The following SEMA6D variants were observed in gnomAD, a reference collection of about 807,000 sequenced individuals.
SEMA6D encodes semaphorin 6D, also known as semaphorin-6D.
In SEMA6D, 35 loss-of-function variants were observed where a neutral mutation model predicts 106.6. The observed-to-expected ratio is 0.33, with a 90% CI of 0.25 to 0.44. The LOEUF (loss-of-function observed/expected upper bound fraction) is 0.44. Among genes scored for constraint, SEMA6D ranks in the 20% least tolerant of loss-of-function variants. The pLI, the probability that SEMA6D is intolerant of heterozygous loss-of-function variation, is 1.00. For synonymous variants in SEMA6D, 499 were observed against 487.7 expected (o/e 1.02, Z -0.31); for missense variants, 1,185 against 1,345.9 (o/e 0.88, Z 1.87).
intron 4 of SEMA6D, among the ~76,000 whole-genome samples, chr15:47,642,762 G>A (rs755500984): frequency 3.3e-5 from 5 of 152,270 alleles, no homozygotes; most frequent in East Asian, 1.9e-4. Context: ...GGCCATCTCC[G>A]AAAGGGCAGG....
intron 1 of SEMA6D, among the ~76,000 whole-genome samples, chr15:47,353,303 C>G (rs909572767): frequency 4.6e-5 from 7 of 152,220 alleles, no homozygotes; most frequent in African/African-American, 1.7e-4. Flanking sequence ...CACTCGTGCC[C>G]TCCCCAATTC....
At chr15:47,744,735 C>G (rs916058053) in intron 1 of SEMA6D, among the ~76,000 whole-genome samples, 4 of 152,226 alleles carry the variant, frequency 2.6e-5, no homozygotes, top group Admixed American at 1.3e-4. Flanking sequence ...CGATCGCGCA[C>G]TCTCCTGTCT....
At chr15:47,663,647 G>A (rs954081291) in intron 4 of SEMA6D, among the ~76,000 whole-genome samples, 2 of 152,162 alleles carry the variant, frequency 1.3e-5, no homozygotes, top group East Asian at 3.9e-4. Flanking sequence ...CAGAATTCTG[G>A]AAACGACACC....
chr15:47,726,456 T>C (rs1477358280), intron 1 of SEMA6D, among the ~76,000 whole-genome samples: 1 of 152,214 alleles, frequency 6.6e-6, no homozygotes, highest in Admixed American at 6.5e-5. Context: ...GGTGATGAAG[T>C]CATTTTCCTA....
chr15:47,657,719 C>CTTTTTTTTTTTTTTTTTTTTTTTTTTTT (rs71118191), intron 4 of SEMA6D, among the ~76,000 whole-genome samples: 1 of 54,676 alleles, frequency 1.8e-5, no homozygotes, highest in African/African-American at 8.5e-5. Context: ...GGCTTCATTT[C>CTTTTTTTTTTTTTTTTTTTTTTTTTTTT]TTTTTTTTTT....
chr15:47,294,301 G>T (rs1426025825), intron 1 of SEMA6D, among the ~76,000 whole-genome samples: 4 of 151,542 alleles, frequency 2.6e-5, no homozygotes, highest in Admixed American at 2.6e-4. Flanking sequence ...TCAGCTCACT[G>T]CAACCTCTAC....
At chr15:47,422,380 A>G (rs2041200670) in intron 2 of SEMA6D, among the ~76,000 whole-genome samples, 1 of 152,036 alleles carries the variant, frequency 6.6e-6, no homozygotes, top group African/African-American at 2.4e-5. Context: ...TAAGTTTCCA[A>G]GCTCAGTTTC....
chr15:47,311,991 A>C (rs563990576), intron 1 of SEMA6D, among the ~76,000 whole-genome samples: 1 of 152,196 alleles, frequency 6.6e-6, no homozygotes, highest in African/African-American at 2.4e-5. Flanking sequence ...ATAGCACCTT[A>C]CTGGTATTAG....
chr15:47,432,617 A>T (rs2041574792), intron 2 of SEMA6D, among the ~76,000 whole-genome samples: 1 of 152,054 alleles, frequency 6.6e-6, no homozygotes, highest in Non-Finnish European at 1.5e-5. Context: ...ATACACACAC[A>T]ATTAGTAAGT....
At chr15:47,469,376 G>A (rs2042764235) in intron 2 of SEMA6D, among the ~76,000 whole-genome samples, 1 of 151,650 alleles carries the variant, frequency 6.6e-6, no homozygotes. Flanking sequence ...AGTGGGGGGA[G>A]GACTTCAAAA....
chr15:47,626,042 G>T (rs930483131), intron 4 of SEMA6D, among the ~76,000 whole-genome samples: 1 of 152,142 alleles, frequency 6.6e-6, no homozygotes, highest in African/African-American at 2.4e-5. Flanking sequence ...ATGAGATTGA[G>T]CCTTAGTAGA....
At chr15:47,406,332 G>C (rs1315617299) in intron 1 of SEMA6D, among the ~76,000 whole-genome samples, 1 of 152,120 alleles carries the variant, frequency 6.6e-6, no homozygotes, top group Non-Finnish European at 1.5e-5. Flanking sequence ...TTCGACTGCT[G>C]GTAGCTGTTT....
chr15:47,186,722 A>G (rs2140897046), intron 1 of SEMA6D, among the ~76,000 whole-genome samples: 1 of 152,272 alleles, frequency 6.6e-6, no homozygotes, highest in Admixed American at 6.5e-5. Flanking sequence ...TAAGACATGA[A>G]GAGTATTCAC....
chr15:47,762,908 T>C (rs934485155), intron 8 of SEMA6D, 108 bp from the exon 9 acceptor site: 12 of 779,232 alleles, frequency 1.5e-5, no homozygotes, highest in Non-Finnish European at 2.2e-5. Context: ...GAGTTCTTGT[T>C]GGCTTGAATG....
chr15:47,360,866 AT>A (rs916184554), intron 1 of SEMA6D, among the ~76,000 whole-genome samples: 1 of 152,242 alleles, frequency 6.6e-6, no homozygotes, highest in Non-Finnish European at 1.5e-5. Context: ...ATACTGGGAA[AT>A]TTTGTCAGAG....
chr15:47,306,825 A>T (rs112568245), intron 1 of SEMA6D, among the ~76,000 whole-genome samples: 1,616 of 152,364 alleles, frequency 0.011, 24 homozygotes, highest in African/African-American at 0.034. Context: ...AATTATATAC[A>T]TATCCTTCTT....
chr15:47,274,515 T>G (rs2034710362), intron 1 of SEMA6D, among the ~76,000 whole-genome samples: 1 of 152,068 alleles, frequency 6.6e-6, no homozygotes, highest in South Asian at 2.1e-4. Flanking sequence ...AGTAAAAATC[T>G]GGAATGATAG....
intron 1 of SEMA6D, among the ~76,000 whole-genome samples, chr15:47,326,135 C>T (rs765533407): frequency 1.8e-4 from 28 of 152,116 alleles, no homozygotes; most frequent in Admixed American, 7.9e-4. Flanking sequence ...AAACCATTAC[C>T]GAGACGGATT....
In SEMA6D at chr15:47,726,107, G is replaced by A. The variant is rs542814442; in HGVS notation, c.-55+8415G>A. 3.3e-5 allele frequency among the ~76,000 whole-genome samples: 5 copies of A among 152,356 alleles called. No homozygotes were observed. In the South Asian group the frequency reaches 6.2e-4, roughly 19 times the overall value. On this transcript the variant is annotated intron_variant, in intron 1 of 18. Coordinates refer to ENST00000536845, the MANE Select transcript of SEMA6D (RefSeq NM_001358351.3). ...CGTTGCTTGTTGAAGCGAAGGGCAAGCTGCCTCCCCCTGCGCAGAGCACAC... is the reference window on the plus strand; with the variant it reads ...CGTTGCTTGTTGAAGCGAAGGGCAAACTGCCTCCCCCTGCGCAGAGCACAC...
Sources: gnomAD v4.1 joint callset for allele counts (sites outside exome capture counted in the v4.1 genomes callset) on GRCh38, gnomAD v4.1.1 for gene constraint, MANE v1.5 for transcripts, NCBI Gene and HGNC (gene_info 2026-07-23, HGNC 2026-07-21) for gene names.